The following NT5C2 variants were observed in gnomAD, a reference collection of about 807,000 sequenced individuals.
NT5C2 encodes 5'-nucleotidase, cytosolic II.
A neutral mutation model predicts 76.1 loss-of-function variants in NT5C2; 58 were observed. That is an observed-to-expected ratio of 0.76 (90% CI 0.62 to 0.95). The LOEUF (loss-of-function observed/expected upper bound fraction) is 0.95, where lower values mean the gene tolerates loss of function less well. Ranked by LOEUF, NT5C2 falls within the 40% of genes least tolerant of loss-of-function variation. The pLI is 0.00. For synonymous variants in NT5C2, 229 were observed against 237.4 expected (o/e 0.96, Z 0.32); for missense variants, 478 against 690.3 (o/e 0.69, Z 3.45).
intron 3 of NT5C2, among the ~76,000 whole-genome samples, chr10:103,162,811 A>T (rs1230615988): frequency 3.9e-5 from 6 of 152,178 alleles, no homozygotes; most frequent in African/African-American, 1.4e-4. Context: ...TATTATTACT[A>T]AAATACAGTA....
At chr10:103,145,267 G>T (rs2133394716) in intron 3 of NT5C2, among the ~76,000 whole-genome samples, 1 of 152,246 alleles carries the variant, frequency 6.6e-6, no homozygotes, top group Non-Finnish European at 1.5e-5. Flanking sequence ...GAAATACCAT[G>T]TCTCCAGGAT....
At chr10:103,125,228 AT>A in intron 4 of NT5C2, 2 of 777,678 alleles carry the variant, frequency 2.6e-6, no homozygotes, top group African/African-American at 1.7e-5. Flanking sequence ...GTTCACTACA[AT>A]TTTCCCAGCT....
chr10:103,181,941 C>T (rs957085881), intron 1 of NT5C2, among the ~76,000 whole-genome samples: 2 of 150,804 alleles, frequency 1.3e-5, no homozygotes, highest in South Asian at 2.1e-4. Context: ...ACCCGGGAGG[C>T]GGAGGTTGAA....
At chr10:103,135,013 T>C (rs1157036205) in intron 4 of NT5C2, among the ~76,000 whole-genome samples, 1 of 152,276 alleles carries the variant, frequency 6.6e-6, no homozygotes, top group Non-Finnish European at 1.5e-5. Context: ...ATCCCCATTG[T>C]ATGTAAGAAG....
At chr10:103,188,038 A>T (rs2092255909) in intron 1 of NT5C2, among the ~76,000 whole-genome samples, 1 of 152,222 alleles carries the variant, frequency 6.6e-6, no homozygotes, top group South Asian at 2.1e-4. Flanking sequence ...AAGAATATGT[A>T]ACACAAATAC....
chr10:103,192,529 G>A (rs981300566), intron 1 of NT5C2, among the ~76,000 whole-genome samples: 6 of 152,334 alleles, frequency 3.9e-5, no homozygotes, highest in East Asian at 1.9e-4. Context: ...GAAAAAAGGA[G>A]AAGAATAGGC....
At chr10:103,179,408 G>A (rs921141988) in intron 2 of NT5C2, among the ~76,000 whole-genome samples, 5 of 152,124 alleles carry the variant, frequency 3.3e-5, no homozygotes, top group Non-Finnish European at 5.9e-5. Context: ...TCTTTGAGGA[G>A]GTAATATTTG....
chr10:103,185,361 T>C (rs2091877837), intron 1 of NT5C2, among the ~76,000 whole-genome samples: 1 of 149,986 alleles, frequency 6.7e-6, no homozygotes, highest in Non-Finnish European at 1.5e-5. Context: ...AAAAAATACA[T>C]AGGGCAAGGT....
intron 3 of NT5C2, among the ~76,000 whole-genome samples, chr10:103,173,154 T>G (rs995595631): frequency 1.3e-5 from 2 of 151,690 alleles, no homozygotes; most frequent in African/African-American, 4.8e-5. Flanking sequence ...TGGCCTACAC[T>G]TTTAAAGAAA....
At position 103,158,817 on chromosome 10, in the gene NT5C2, T is replaced by TA. The variant is rs201330746; in HGVS notation, c.101+16040dup. 3.8e-3 allele frequency among the ~76,000 whole-genome samples: 477 copies of TA among 124,988 alleles called. 1 individual carries two copies. The highest frequency in any genetic ancestry group is 8.6e-3 in the African/African-American group (292 of 34,078). The allele number at this position is 124,988 out of a possible 152,430, so 82.0% of individuals were successfully genotyped here. A position where few individuals can be genotyped will look rare whatever the true frequency, so the allele number is the denominator to read the frequency against. ...TGGGTGACAGAGCGAGACTCTTATC[T>TA]AAAAAAAAAAAAAAAAGAAGAATAA... On this transcript the variant is annotated intron_variant, in intron 3 of 18. Coordinates refer to ENST00000404739, the MANE Select transcript of NT5C2 (RefSeq NM_001351169.2).
chr10:103,171,539 A>G (rs2134593358), intron 3 of NT5C2, among the ~76,000 whole-genome samples: 1 of 152,328 alleles, frequency 6.6e-6, no homozygotes, highest in African/African-American at 2.4e-5. Flanking sequence ...CCAATATACC[A>G]GCACCTGTAC....
At chr10:103,096,664 T>C (rs1554932762) in intron 11 of NT5C2, among the ~76,000 whole-genome samples, 1 of 151,698 alleles carries the variant, frequency 6.6e-6, no homozygotes, top group Non-Finnish European at 1.5e-5. Flanking sequence ...TCCAAGATGT[T>C]AAAACCTCGT....
intron 4 of NT5C2, among the ~76,000 whole-genome samples, chr10:103,110,893 T>TAA (rs1367536268): frequency 6.6e-6 from 1 of 152,222 alleles, no homozygotes; most frequent in Admixed American, 6.5e-5. Flanking sequence ...CCCTCAGTGA[T>TAA]AAACATATTT....
At position 103,136,014 on chromosome 10, in the gene NT5C2, G is replaced by A. The variant is rs951508757; in HGVS notation, c.175+3392C>T. ...AGGCAGGAGAATCTCTTGAACCTGG[G>A]AGGCACAGGTTGCAGTGAGCCAGGA... On this transcript the variant is annotated intron_variant, in intron 4 of 18. Transcript: ENST00000404739. Among the ~76,000 whole-genome samples, 4 of 152,144 alleles carry A rather than the reference G, an allele frequency of 2.6e-5. 1 individual carries two copies. Among genetic ancestry groups the A allele is most frequent in the Admixed American group, 1.3e-4 (2 of 15,274 alleles).
intron 12 of NT5C2, among the ~76,000 whole-genome samples, chr10:103,095,521 C>T (rs11191554): frequency 0.15 from 22,142 of 152,220 alleles, 1,770 homozygotes; most frequent in East Asian, 0.19. Context: ...TTGGCAAAAA[C>T]TTAGCAACAA....
chr10:103,148,467 G>A (rs1178744896), intron 3 of NT5C2, among the ~76,000 whole-genome samples: 1 of 152,106 alleles, frequency 6.6e-6, no homozygotes, highest in Non-Finnish European at 1.5e-5. Flanking sequence ...CGGGCATGGT[G>A]GCAGGTGCCT....
At chr10:103,175,268 A>G (rs1413615635) in intron 2 of NT5C2, among the ~76,000 whole-genome samples, 1 of 152,214 alleles carries the variant, frequency 6.6e-6, no homozygotes, top group East Asian at 1.9e-4. Flanking sequence ...ATTCTAGAAA[A>G]GGCACTAAAA....
intron 2 of NT5C2, among the ~76,000 whole-genome samples, chr10:103,180,581 A>C (rs958203970): frequency 2.0e-5 from 3 of 152,168 alleles, no homozygotes; most frequent in Admixed American, 1.3e-4. Flanking sequence ...AAATTGAAAA[A>C]TTAGTTGGGC....
chr10:103,098,184 T>TA (rs145625828), intron 10 of NT5C2: 14,705 of 430,950 alleles, frequency 0.034, 785 homozygotes, highest in Admixed American at 0.16. Context: ...GCTGTGAAAA[T>TA]AAAGAGTTCC....
Sources: gnomAD v4.1 joint callset for allele counts (sites outside exome capture counted in the v4.1 genomes callset) on GRCh38, gnomAD v4.1.1 for gene constraint, MANE v1.5 for transcripts, NCBI Gene and HGNC (gene_info 2026-07-23, HGNC 2026-07-21) for gene names.